Variants in APP observed in about 807,000 individuals in gnomAD.
The protein encoded by APP is amyloid-beta precursor protein.
APP carries 31 observed loss-of-function variants against 101.4 expected under a neutral mutation model. That is an observed-to-expected ratio of 0.31 (90% CI 0.23 to 0.41). The LOEUF (loss-of-function observed/expected upper bound fraction) is 0.41. Among genes scored for constraint, APP ranks in the 10% least tolerant of loss-of-function variants. The pLI, the probability that APP is intolerant of heterozygous loss-of-function variation, is 1.00. For synonymous variants in APP, 366 were observed against 364.4 expected (o/e 1.00, Z -0.05); for missense variants, 839 against 1,003.7 (o/e 0.84, Z 2.22).
At chr21:25,906,857 A>T (rs1221129184) in intron 14 of APP, among the ~76,000 whole-genome samples, 1 of 152,228 alleles carries the variant, frequency 6.6e-6, no homozygotes, top group Non-Finnish European at 1.5e-5. Context: ...AGTGGTGGTG[A>T]GCACATACAT....
At chr21:25,906,197 G>A (rs1453796415) in intron 14 of APP, among the ~76,000 whole-genome samples, 2 of 152,216 alleles carry the variant, frequency 1.3e-5, no homozygotes, top group African/African-American at 4.8e-5. Context: ...AAAAAAAGTG[G>A]CAGTAAGCCA....
At chr21:25,992,220 T>A (rs1472074065) in intron 8 of APP, among the ~76,000 whole-genome samples, 3 of 151,960 alleles carry the variant, frequency 2.0e-5, no homozygotes, top group Non-Finnish European at 4.4e-5. Flanking sequence ...CTATCTCTAC[T>A]AAAAAACACA....
intron 1 of APP, among the ~76,000 whole-genome samples, chr21:26,129,141 C>G (rs2062741359): frequency 6.6e-6 from 1 of 152,038 alleles, no homozygotes; most frequent in African/African-American, 2.4e-5. Context: ...CAAAAGGGTA[C>G]AAGTCAAGAA....
At chr21:25,977,839 T>G (rs2042279838) in intron 9 of APP, among the ~76,000 whole-genome samples, 1 of 152,212 alleles carries the variant, frequency 6.6e-6, no homozygotes, top group Admixed American at 6.5e-5. Context: ...AAAGGGAACC[T>G]GTGGGCAAGG....
At chr21:26,035,981 G>T (rs975902227) in intron 5 of APP, among the ~76,000 whole-genome samples, 1 of 152,068 alleles carries the variant, frequency 6.6e-6, no homozygotes, top group African/African-American at 2.4e-5. Context: ...CCACATTGAG[G>T]ACTGGGTAGC....
intron 6 of APP, among the ~76,000 whole-genome samples, chr21:26,003,452 G>A (rs2043383105): frequency 6.6e-6 from 1 of 152,216 alleles, no homozygotes; most frequent in Non-Finnish European, 1.5e-5. Context: ...TGCCTTGGTG[G>A]AGTCCAAGTG....
rs117980503 is a variant in APP, at chr21:26,133,153, G to A, written c.58-21007C>T. Among the ~76,000 whole-genome samples, 1,064 of 152,240 alleles carry A rather than the reference G, an allele frequency of 7.0e-3. 31 individuals carry two copies. In the East Asian group the frequency reaches 0.07, roughly 10 times the overall value. On this transcript the variant is annotated intron_variant, in intron 1 of 17. Coordinates refer to ENST00000346798, the MANE Select transcript of APP (RefSeq NM_000484.4). ...CTTAGGAGGCTGTGGAGGGAGGATC[G>A]CTTGAGCCCAGCAGGTCAAGGCTGC... is the stretch of plus-strand genomic sequence containing the variant.
At chr21:25,959,303 G>A (rs2041474513) in intron 11 of APP, among the ~76,000 whole-genome samples, 1 of 152,128 alleles carries the variant, frequency 6.6e-6, no homozygotes, top group Non-Finnish European at 1.5e-5. Flanking sequence ...CATGGTGGTG[G>A]GCGCCTGTAG....
intron 6 of APP, among the ~76,000 whole-genome samples, chr21:26,008,109 T>C (rs1027031976): frequency 6.6e-6 from 1 of 152,174 alleles, no homozygotes; most frequent in African/African-American, 2.4e-5. Flanking sequence ...ATATCCGCAG[T>C]TGGCTAGCCT....
At chr21:25,934,960 G>C (rs962364722) in intron 13 of APP, 2 of 152,232 alleles carry the variant, frequency 1.3e-5, no homozygotes, top group African/African-American at 4.8e-5. Flanking sequence ...ATCCTGAGAA[G>C]ATCATGGGGA....
chr21:26,152,141 C>T (rs1482384651), intron 1 of APP, among the ~76,000 whole-genome samples: 2 of 151,650 alleles, frequency 1.3e-5, no homozygotes, highest in East Asian at 1.9e-4. Context: ...CAAAATTAGC[C>T]GGGCGTGGTG....
intron 15 of APP, among the ~76,000 whole-genome samples, chr21:25,899,414 G>A (rs2038290772): frequency 6.6e-6 from 1 of 152,206 alleles, no homozygotes; most frequent in Non-Finnish European, 1.5e-5. Context: ...AACAGAGCAT[G>A]ATAGAAGTGA....
chr21:26,153,194 T>A (rs2063313316), intron 1 of APP, among the ~76,000 whole-genome samples: 1 of 152,050 alleles, frequency 6.6e-6, no homozygotes, highest in South Asian at 2.1e-4. Context: ...AGACATTAGG[T>A]ACAAGGTACC....
rs938610980 is a variant in APP at position 26,054,099 on chromosome 21, C to T, written c.356-751G>A. ...ACTGCAATATTCCCAGCTTTTAGCA[C>T]AGATTCTTGCACATAGTAGGCAATA... On this transcript the variant is annotated intron_variant, in intron 3 of 17. Coordinates refer to ENST00000346798, the MANE Select transcript of APP (RefSeq NM_000484.4). 2.6e-5 allele frequency among the ~76,000 whole-genome samples: 4 copies of T among 152,142 alleles called. 1 individual carries two copies. The highest frequency in any genetic ancestry group is 5.9e-5 in the Non-Finnish European group (4 of 68,030).
intron 7 of APP, among the ~76,000 whole-genome samples, chr21:25,997,824 C>T (rs927834886): frequency 1.6e-4 from 24 of 152,206 alleles, no homozygotes; most frequent in Admixed American, 1.6e-3. Flanking sequence ...CTTGTCCACC[C>T]ATCTAACTGA....
intron 3 of APP, among the ~76,000 whole-genome samples, chr21:26,080,072 C>T (rs1476774562): frequency 6.6e-6 from 1 of 151,270 alleles, no homozygotes; most frequent in Non-Finnish European, 1.5e-5. Flanking sequence ...TGCAGTGAGC[C>T]GAGATCTCAC....
rs184410286 is a variant in APP at position 26,165,241 on chromosome 21, T to C, written c.57+5323A>G. ...TATGCAGGAAACTTACATATACCCA[T>C]TGTACATCAACATCATCACCATACA... On this transcript the variant is annotated intron_variant, in intron 1 of 17. Coordinates refer to ENST00000346798, the MANE Select transcript of APP (RefSeq NM_000484.4). Among the ~76,000 whole-genome samples, 466 of 152,340 alleles carry C rather than the reference T, an allele frequency of 3.1e-3. 2 individuals are homozygous for C. Among genetic ancestry groups the C allele is most frequent in the African/African-American group, 0.011 (448 of 41,576 alleles).
At chr21:26,067,930 CA>C (rs2046523656) in intron 3 of APP, among the ~76,000 whole-genome samples, 1 of 147,818 alleles carries the variant, frequency 6.8e-6, no homozygotes, top group African/African-American at 2.5e-5. Flanking sequence ...AAAAAAAAAA[CA>C]AAAAACTCAA....
At chr21:26,062,019 G>A (rs1314906315) in intron 3 of APP, among the ~76,000 whole-genome samples, 1 of 151,944 alleles carries the variant, frequency 6.6e-6, no homozygotes, top group Non-Finnish European at 1.5e-5. Flanking sequence ...AAACCAGCCT[G>A]GCCAATATGG....
Sources: allele counts gnomAD v4.1 joint callset (sites outside exome capture counted in the v4.1 genomes callset), GRCh38; gene constraint gnomAD v4.1.1; transcripts MANE v1.5; gene names NCBI Gene and HGNC (gene_info 2026-07-23, HGNC 2026-07-21).